The following CHCHD3 variants were observed in gnomAD, a reference collection of about 807,000 sequenced individuals.
CHCHD3 encodes the protein MICOS complex subunit MIC19.
A neutral mutation model predicts 38.2 loss-of-function variants in CHCHD3; 20 were observed. The ratio of observed to expected loss-of-function variants is 0.52; its 90% CI spans 0.37 to 0.76. The LOEUF is 0.76. CHCHD3 is among the 30% of genes least tolerant of loss of function. CHCHD3 has a pLI of 0.00. For synonymous variants in CHCHD3, 82 were observed against 100.0 expected (o/e 0.82, Z 1.07); for missense variants, 245 against 279.2 (o/e 0.88, Z 0.87).
chr7:132,893,286 C>T (rs913485059), intron 4 of CHCHD3, among the ~76,000 whole-genome samples: 1 of 152,200 alleles, frequency 6.6e-6, no homozygotes, highest in African/African-American at 2.4e-5. Context: ...GACTGCCCTG[C>T]TGGATTTCAG....
intron 3 of CHCHD3, among the ~76,000 whole-genome samples, chr7:132,987,081 A>G (rs1047460998): frequency 2.1e-4 from 32 of 152,198 alleles, no homozygotes; most frequent in African/African-American, 7.7e-4. Flanking sequence ...CAATGCCTCT[A>G]GCCACCCAGA....
At chr7:132,791,825 C>T (rs1806467467) in intron 7 of CHCHD3, among the ~76,000 whole-genome samples, 1 of 152,160 alleles carries the variant, frequency 6.6e-6, no homozygotes, top group Admixed American at 6.5e-5. Context: ...AGTTGGAGAG[C>T]TGTCACATTA....
chr7:132,985,138 C>T (rs1369117819), intron 3 of CHCHD3, among the ~76,000 whole-genome samples: 2 of 70,174 alleles, frequency 2.9e-5, no homozygotes, highest in Non-Finnish European at 6.4e-5. Flanking sequence ...TCTGCCCGGC[C>T]GCCCCTACTG....
chr7:132,998,891 G>T (rs947230487), intron 3 of CHCHD3, among the ~76,000 whole-genome samples: 33 of 152,102 alleles, frequency 2.2e-4, no homozygotes, highest in Non-Finnish European at 3.5e-4. Context: ...TTAAAAATTA[G>T]CATTAAAACA....
At chr7:132,948,614 G>C (rs1417902304) in intron 4 of CHCHD3, among the ~76,000 whole-genome samples, 1 of 152,046 alleles carries the variant, frequency 6.6e-6, no homozygotes, top group Non-Finnish European at 1.5e-5. Context: ...AAGTTTCTAT[G>C]GAAAATCAAC....
intron 6 of CHCHD3, among the ~76,000 whole-genome samples, chr7:132,803,802 A>G (rs970860842): frequency 2.2e-5 from 3 of 138,014 alleles, no homozygotes. Flanking sequence ...TGCTGTGCCC[A>G]GCCAGTCCCT....
At chr7:132,906,066 T>G (rs1437317649) in intron 4 of CHCHD3, among the ~76,000 whole-genome samples, 2 of 152,192 alleles carry the variant, frequency 1.3e-5, no homozygotes, top group African/African-American at 4.8e-5. Context: ...AAATTATAAC[T>G]ATGTGAGATA....
At chr7:132,935,355 C>T (rs1411152507) in intron 4 of CHCHD3, among the ~76,000 whole-genome samples, 3 of 152,160 alleles carry the variant, frequency 2.0e-5, no homozygotes, top group African/African-American at 7.2e-5. Flanking sequence ...ACTATTATAT[C>T]ATTTTAGCAT....
intron 5 of CHCHD3, among the ~76,000 whole-genome samples, chr7:132,860,322 G>GAGAGAGAGAGAT (rs1224805361): frequency 2.7e-5 from 4 of 149,876 alleles, no homozygotes; most frequent in African/African-American, 9.8e-5. Flanking sequence ...GAGAAAGAGA[G>GAGAGAGAGAGAT]AGAGAGAGAG....
intron 5 of CHCHD3, among the ~76,000 whole-genome samples, chr7:132,841,913 T>C (rs976387765): frequency 1.3e-5 from 2 of 151,780 alleles, no homozygotes; most frequent in South Asian, 4.2e-4. Context: ...CTGGCCAACA[T>C]GGTGAAACCC....
chr7:132,963,145 TA>T (rs71681912), intron 4 of CHCHD3, among the ~76,000 whole-genome samples: 29,103 of 139,148 alleles, frequency 0.21, 3,500 homozygotes, highest in African/African-American at 0.35. Flanking sequence ...CTCCCCCAAA[TA>T]AAAAAAAAAA....
chr7:132,858,519 C>T (rs552495318), intron 5 of CHCHD3, among the ~76,000 whole-genome samples: 1 of 152,326 alleles, frequency 6.6e-6, no homozygotes, highest in South Asian at 2.1e-4. Flanking sequence ...CAGCCCTTGC[C>T]CCAATCATCC....
chr7:133,081,272 AGAG>A (rs758135293), intron 1 of CHCHD3, among the ~76,000 whole-genome samples: 16 of 152,018 alleles, frequency 1.1e-4, no homozygotes, highest in Non-Finnish European at 1.9e-4. Flanking sequence ...CGCCTGGGAA[AGAG>A]GAGATATCAA....
intron 6 of CHCHD3, among the ~76,000 whole-genome samples, chr7:132,808,928 G>T (rs555564185): frequency 7.8e-6 from 1 of 127,680 alleles, no homozygotes; most frequent in Non-Finnish European, 1.5e-5. Context: ...GTAAACTATC[G>T]CAAGAACAAA....
At chr7:133,019,908 A>C (rs1813133263) in intron 3 of CHCHD3, among the ~76,000 whole-genome samples, 1 of 152,148 alleles carries the variant, frequency 6.6e-6, no homozygotes, top group East Asian at 1.9e-4. Flanking sequence ...GTAGCATATT[A>C]TGTCCTTGCT....
intron 5 of CHCHD3, among the ~76,000 whole-genome samples, chr7:132,877,347 T>A (rs1808938388): frequency 6.6e-6 from 1 of 152,276 alleles, no homozygotes; most frequent in African/African-American, 2.4e-5. Flanking sequence ...ACTGTATTGA[T>A]ATTTTTCCCC....
chr7:132,994,831 C>A (rs538798949), intron 3 of CHCHD3, among the ~76,000 whole-genome samples: 2 of 152,244 alleles, frequency 1.3e-5, no homozygotes, highest in Non-Finnish European at 2.9e-5. Flanking sequence ...TCCCCTAGAC[C>A]AAGCTCATCT....
chr7:132,870,957 C>T (rs1344487054), intron 5 of CHCHD3, among the ~76,000 whole-genome samples: 1 of 151,852 alleles, frequency 6.6e-6, no homozygotes, highest in Non-Finnish European at 1.5e-5. Context: ...ATAAAATATT[C>T]CATTTCACTG....
intron 2 of CHCHD3, among the ~76,000 whole-genome samples, chr7:133,059,438 A>G (rs1814436601): frequency 6.6e-6 from 1 of 152,180 alleles, no homozygotes; most frequent in Non-Finnish European, 1.5e-5. Flanking sequence ...GGAGGGTAGC[A>G]GGAACTGAGA....
Sources: gnomAD v4.1 joint callset for allele counts (sites outside exome capture counted in the v4.1 genomes callset) on GRCh38, gnomAD v4.1.1 for gene constraint, MANE v1.5 for transcripts, NCBI Gene and HGNC (gene_info 2026-07-23, HGNC 2026-07-21) for gene names.